Variants in KCNA6 observed in about 807,000 individuals in gnomAD.
KCNA6 encodes the protein human brain potassium channel-2.
In KCNA6, 17 loss-of-function variants were observed where a neutral mutation model predicts 29.5. The observed-to-expected ratio is 0.58, with a 90% confidence interval of 0.39 to 0.86. KCNA6 has a LOEUF of 0.86. Among genes scored for constraint, KCNA6 ranks in the 40% least tolerant of loss-of-function variants. The pLI, the probability that KCNA6 is intolerant of heterozygous loss-of-function variation, is 0.00. For synonymous variants in KCNA6, 296 were observed against 304.7 expected, an observed-to-expected ratio of 0.97 and a Z score of 0.30; for missense variants, 450 against 703.4, an observed-to-expected ratio of 0.64 and a Z score of 4.07.
chr12:4,820,836 T>C, the KCNA6 span, among the ~76,000 whole-genome samples: 1 of 152,182 alleles, frequency 6.6e-6, no homozygotes, highest in Non-Finnish European at 1.5e-5. Flanking sequence ...GAGAGGCTCA[T>C]GTACAGGCTC....
At position 4,810,116 on chromosome 12, in the gene KCNA6, G is replaced by A. The variant is rs560076367; in HGVS notation, c.75G>A (p.Ala25=). Residue 25 remains alanine (A), a synonymous_variant, in exon 1 of 1, where the codon GCG becomes GCA. Transcript: ENST00000280684. This position sits in a 1 kb window ranked among gnomAD's most constrained non-coding sequence, Gnocchi z 7.5. ...GGCCGGAGGGAGAGCAACAGGATGC[G>A]GGAGACTTCCCGGAGGCCGGCGGGG... 5 of 1,588,562 alleles carry A rather than the reference G, an allele frequency of 3.1e-6. No homozygotes were observed. Among genetic ancestry groups the A allele is most frequent in the Non-Finnish European group, 4.3e-6 (5 of 1,169,622 alleles).
At chr12:4,824,570 C>A in the KCNA6 span, among the ~76,000 whole-genome samples, 1 of 152,160 alleles carries the variant, frequency 6.6e-6, no homozygotes, top group Admixed American at 6.5e-5. Flanking sequence ...AAGTGACTTA[C>A]CCATTGAGAA....
the KCNA6 span, among the ~76,000 whole-genome samples, chr12:4,826,815 C>T: frequency 6.6e-6 from 1 of 152,194 alleles, no homozygotes; most frequent in Non-Finnish European, 1.5e-5. Flanking sequence ...ACTAGGTTTT[C>T]AACTTTATGT....
downstream of KCNA6, among the ~76,000 whole-genome samples, chr12:4,816,258 GT>G: frequency 2.9e-5 from 1 of 34,302 alleles, no homozygotes; most frequent in Non-Finnish European, 6.0e-5. Flanking sequence ...TGGTGTGTGT[GT>G]GTGTGTGTGT....
downstream of KCNA6, among the ~76,000 whole-genome samples, chr12:4,815,164 C>A (rs1388990589): frequency 6.6e-6 from 1 of 152,078 alleles, no homozygotes; most frequent in Admixed American, 6.5e-5. Context: ...TGTCTTCCTG[C>A]TTATCTTTCT....
chr12:4,810,157 G>A lies in KCNA6; in HGVS notation c.116G>A (p.Ser39Asn), dbSNP rs1300942636. Residue 39 changes from serine to asparagine, a missense_variant, in exon 1 of 1, where the codon AGT becomes AAT. This residue lies in a region of KCNA6 where 72 missense variants were observed against 64.2 expected (regional missense o/e 1.12). Transcript: ENST00000280684. This position sits in a 1 kb window ranked among gnomAD's most constrained non-coding sequence, Gnocchi z 7.5. ...GCCGGCGGGGGCGGGGGCTGCTGTA[G>A]TAGCGAGCGGCTGGTGATCAATATC... is the stretch of plus-strand genomic sequence containing the variant. 6.2e-7 allele frequency: 1 copy of A among 1,609,234 alleles called. No homozygotes were observed. The highest frequency in any genetic ancestry group is 8.5e-7 in the Non-Finnish European group (1 of 1,178,364).
the KCNA6 span, among the ~76,000 whole-genome samples, chr12:4,835,934 GTTTTT>G: frequency 1.5e-5 from 2 of 137,216 alleles, no homozygotes; most frequent in African/African-American, 5.3e-5. Flanking sequence ...AAAAGTCGCT[GTTTTT>G]TTTTTTTTTT....
chr12:4,819,053 C>G, the KCNA6 span, among the ~76,000 whole-genome samples: 297 of 152,244 alleles, frequency 2.0e-3, no homozygotes, highest in Middle Eastern at 3.4e-3. Context: ...TATGCACACA[C>G]AAACATATAC....
In KCNA6 at chr12:4,810,356, C is replaced by A; in HGVS notation, c.315C>A (p.Arg105=). 1.2e-6 allele frequency: 2 copies of A among 1,614,126 alleles called. No individual in the cohort carries two copies. The highest frequency in any genetic ancestry group is 2.2e-5 in the South Asian group (2 of 91,076). ...TCTACTACTACCAGTCTGGGGGCCGCCTGCGGAGGCCGGTCAACGTGCCCC... is the reference window on the plus strand; with the variant it reads ...TCTACTACTACCAGTCTGGGGGCCGACTGCGGAGGCCGGTCAACGTGCCCC... The change falls in exon 1 of 1, where the codon CGC becomes CGA. Residue 105 remains arginine, a synonymous_variant. Coordinates refer to ENST00000280684, the Ensembl canonical transcript of KCNA6. The surrounding 1 kb of genome is among the most constrained non-coding windows in gnomAD (Gnocchi z 7.5).
chr12:4,816,783 G>T (rs1245763214), downstream of KCNA6, among the ~76,000 whole-genome samples: 1 of 151,984 alleles, frequency 6.6e-6, no homozygotes, highest in Admixed American at 6.5e-5. Context: ...TGGTGCTTCC[G>T]GTAAACAAAA....
downstream of KCNA6, chr12:4,813,647 C>T (rs1946654487): frequency 6.0e-6 from 1 of 167,010 alleles, no homozygotes; most frequent in East Asian, 1.9e-4. Context: ...TTCTCCAAAC[C>T]TGAAACACAG....
downstream of KCNA6, among the ~76,000 whole-genome samples, chr12:4,815,602 G>A (rs1309647049): frequency 6.6e-6 from 1 of 152,214 alleles, no homozygotes; most frequent in Non-Finnish European, 1.5e-5. Context: ...GAGGGCTTAG[G>A]AGGCAGGCAT....
chr12:4,817,999 G>A (rs978513528), downstream of KCNA6, among the ~76,000 whole-genome samples: 3 of 152,200 alleles, frequency 2.0e-5, no homozygotes, highest in African/African-American at 7.2e-5. Flanking sequence ...CATGCTTGCT[G>A]TTCTCTCAGG....
the KCNA6 span, among the ~76,000 whole-genome samples, chr12:4,850,465 G>T: frequency 1.3e-5 from 2 of 152,116 alleles, no homozygotes; most frequent in African/African-American, 4.8e-5. This position sits in a 1 kb window ranked among gnomAD's most constrained non-coding sequence, Gnocchi z 5.4. Flanking sequence ...ATTAATGACA[G>T]CAGTATTAAG....
chr12:4,826,478 G>T, the KCNA6 span, among the ~76,000 whole-genome samples: 16 of 152,186 alleles, frequency 1.1e-4, no homozygotes, highest in Non-Finnish European at 1.8e-4. Flanking sequence ...AAAGTTTCTG[G>T]TATTAAAGCC....
At chr12:4,816,629 C>CTTATT (rs1946685051), downstream of KCNA6, among the ~76,000 whole-genome samples, 1 of 152,050 alleles carries the variant, frequency 6.6e-6, no homozygotes, top group South Asian at 2.1e-4. Flanking sequence ...TATTTATCTA[C>CTTATT]TATGGTTATT....
chr12:4,814,280 A>T (rs1427491814), downstream of KCNA6: 1 of 167,088 alleles, frequency 6.0e-6, no homozygotes, highest in African/African-American at 2.4e-5. The surrounding 1 kb of genome is among the most constrained non-coding windows in gnomAD (Gnocchi z 4.6). Flanking sequence ...GAGCCCTTAG[A>T]GGGGACAACT....
At chr12:4,814,903 T>C (rs1482916918), downstream of KCNA6, 1 of 163,914 alleles carries the variant, frequency 6.1e-6, no homozygotes, top group Non-Finnish European at 1.5e-5. The surrounding 1 kb of genome is among the most constrained non-coding windows in gnomAD (Gnocchi z 4.6). Context: ...AAGGTTTTCA[T>C]TCCCCTTCCC....
At chr12:4,849,489 CTTT>C in the KCNA6 span, among the ~76,000 whole-genome samples, 3,687 of 101,334 alleles carry the variant, frequency 0.036, 126 homozygotes, top group African/African-American at 0.073. Flanking sequence ...GATTTTTGCT[CTTT>C]TTTTTTTTTT....
Sources: gnomAD v4.1 joint callset for allele counts (sites outside exome capture counted in the v4.1 genomes callset) on GRCh38, gnomAD v4.1.1 for gene constraint, gnomAD v4.1.1 regional missense constraint, Gnocchi (gnomAD v3.1) non-coding constraint, MANE v1.5 for transcripts, NCBI Gene and HGNC (gene_info 2026-07-23, HGNC 2026-07-21) for gene names.